Variants in CES5A observed in about 807,000 individuals in gnomAD.
CES5A encodes the protein carboxylesterase 5A.
A neutral mutation model predicts 62.9 loss-of-function variants in CES5A; 67 were observed. That is an observed-to-expected ratio of 1.07 (90% CI 0.88 to 1.31). The LOEUF (loss-of-function observed/expected upper bound fraction) is 1.31, where lower values mean the gene tolerates loss of function less well. Ranked by LOEUF, CES5A falls within the 50% of genes most tolerant of loss-of-function variation. The probability of loss-of-function intolerance (pLI) is 0.00; values close to 1 mark genes in which losing one functional copy is unlikely to be tolerated. For missense variants in CES5A, 748 were observed against 708.5 expected (o/e 1.06, Z -0.63); for synonymous variants, 296 against 280.8 (o/e 1.05, Z -0.54).
chr16:55,936,803 T>C (rs2034381281), intron 2 of CES5A, among the ~76,000 whole-genome samples: 1 of 152,216 alleles, frequency 6.6e-6, no homozygotes, highest in Admixed American at 6.5e-5. Flanking sequence ...TTTTTGAGTA[T>C]CTATTAAATA....
chr16:55,922,512 T>G (rs1040721104), intron 1 of CES5A, among the ~76,000 whole-genome samples: 1 of 151,998 alleles, frequency 6.6e-6, no homozygotes, highest in Non-Finnish European at 1.5e-5. Flanking sequence ...TAAATACTTA[T>G]GTATCCAGTA....
chr16:55,947,983 C>T (rs7194953), intron 2 of CES5A, among the ~76,000 whole-genome samples: 2 of 151,718 alleles, frequency 1.3e-5, no homozygotes, highest in Non-Finnish European at 2.9e-5. Context: ...AGATCCTTTT[C>T]ACTGCTGTGT....
upstream of CES5A, among the ~76,000 whole-genome samples, chr16:55,878,429 T>C (rs1423707138): frequency 1.3e-5 from 2 of 152,024 alleles, no homozygotes; most frequent in Admixed American, 6.5e-5. Context: ...GCCTTAGAGC[T>C]TCCATCTCAT....
At position 55,875,361 on chromosome 16, in the gene CES5A, G is replaced by A. The variant is rs2033677079; in HGVS notation, c.-140C>T. Reference sequence around the variant, plus strand: ...GAGGCAGCAGAGTTACTGAAGATCAGCATCAGAACAATATTCTCAAAGGAA... The same window carrying A: ...GAGGCAGCAGAGTTACTGAAGATCAACATCAGAACAATATTCTCAAAGGAA... On this transcript the variant is annotated 5_prime_UTR_variant, in exon 1 of 13. Transcript: ENST00000290567. 1.4e-6 allele frequency: 2 copies of A among 1,450,372 alleles called. No individual in the cohort carries two copies. The highest frequency in any genetic ancestry group is 9.0e-7 in the Non-Finnish European group (1 of 1,105,848). 89.8% of individuals were successfully genotyped at this position (1,450,372 alleles called of 1,614,324 possible). A position where few individuals can be genotyped will look rare whatever the true frequency, so the allele number is the denominator to read the frequency against.
intron 1 of CES5A, among the ~76,000 whole-genome samples, chr16:55,952,875 G>T (rs540361077): frequency 1.3e-5 from 2 of 152,208 alleles, no homozygotes; most frequent in African/African-American, 4.8e-5. Context: ...ACTATGCAGG[G>T]CATGGAAGAA....
At chr16:55,853,169 A>G (rs1305796944) in intron 9 of CES5A, 141 bp from the exon 10 acceptor site, 3 of 805,738 alleles carry the variant, frequency 3.7e-6, no homozygotes, top group Non-Finnish European at 3.9e-6. Flanking sequence ...TGATGCAAGT[A>G]TCAAAACTAG....
chr16:55,870,110 A>G (rs1375340165), intron 3 of CES5A, among the ~76,000 whole-genome samples: 1 of 152,250 alleles, frequency 6.6e-6, no homozygotes, highest in African/African-American at 2.4e-5. Context: ...GCACATTTCA[A>G]GTTTCAAGTG....
intron 7 of CES5A, among the ~76,000 whole-genome samples, chr16:55,860,310 T>C (rs776808309): frequency 1.3e-4 from 20 of 152,298 alleles, no homozygotes; most frequent in Middle Eastern, 3.4e-3. Context: ...ATTAGCAGCA[T>C]GAGAAGAGAC....
Position 55,899,114 on chromosome 16 carries a change from G to A in CES5A, c.-255-25077C>T, listed in dbSNP as rs574164842. 2.8e-4 allele frequency among the ~76,000 whole-genome samples: 42 copies of A among 152,220 alleles called. 1 individual carries two copies. In the South Asian group the frequency reaches 8.3e-3, roughly 30 times the overall value. On this transcript the variant is annotated intron_variant, in intron 1 of 12. Coordinates refer to the CES5A transcript ENST00000518005. ...TTACCACCAGCAAAGCATGCACCTGGCCTACCTATCTGGAGACCTTTCTGT... is the reference window on the plus strand; with the variant it reads ...TTACCACCAGCAAAGCATGCACCTGACCTACCTATCTGGAGACCTTTCTGT...
chr16:55,870,449 C>T (rs1470689626), intron 3 of CES5A, among the ~76,000 whole-genome samples: 1 of 152,114 alleles, frequency 6.6e-6, no homozygotes, highest in African/African-American at 2.4e-5. Flanking sequence ...CCTGTAATCC[C>T]AACACTTTTG....
chr16:55,915,041 C>T (rs529405416), intron 1 of CES5A, among the ~76,000 whole-genome samples: 340 of 151,754 alleles, frequency 2.2e-3, no homozygotes, highest in Non-Finnish European at 3.5e-3. Flanking sequence ...TGGCTCAAAG[C>T]CTGCATTGGG....
chr16:55,952,215 A>G (rs2034564851), intron 1 of CES5A, among the ~76,000 whole-genome samples: 1 of 152,194 alleles, frequency 6.6e-6, no homozygotes. Flanking sequence ...AAAAAGTATT[A>G]CTATTTAGAA....
chr16:55,944,175 T>G lies in CES5A; in HGVS notation c.160+5610A>C, dbSNP rs576866605. On this transcript the variant is annotated intron_variant, in intron 2 of 13. Transcript: ENST00000521992. Reference sequence around the variant, plus strand: ...GCTAAGAAATTGTATTGTGAAGACTTGGGTCCCAGTCCTGGTTCCATCAAT... The same window carrying G: ...GCTAAGAAATTGTATTGTGAAGACTGGGGTCCCAGTCCTGGTTCCATCAAT... 1,759 of 698,370 alleles carry G rather than the reference T, an allele frequency of 2.5e-3. 7 individuals carry two copies. The highest frequency in any genetic ancestry group is 4.1e-3 in the South Asian group (275 of 66,752). 43.3% of individuals were successfully genotyped at this position (698,370 alleles called of 1,614,324 possible). A position where few individuals can be genotyped will look rare whatever the true frequency, so the allele number is the denominator to read the frequency against.
At chr16:55,875,458 T>C, upstream of CES5A, 2 of 1,040,628 alleles carry the variant, frequency 1.9e-6, no homozygotes, top group Non-Finnish European at 2.6e-6. Context: ...TGGGGAAAGA[T>C]AATTTGATAG....
At chr16:55,930,751 A>G (rs2034302228) in intron 2 of CES5A, among the ~76,000 whole-genome samples, 1 of 152,164 alleles carries the variant, frequency 6.6e-6, no homozygotes, top group Admixed American at 6.5e-5. Flanking sequence ...TCAGTTTTCC[A>G]GTGCTAAACT....
intron 9 of CES5A, among the ~76,000 whole-genome samples, chr16:55,854,564 G>C (rs1341317577): frequency 1.1e-4 from 1 of 8,864 alleles, no homozygotes; most frequent in Non-Finnish European, 2.2e-4. Context: ...TTTTGAGACA[G>C]AGTCTCTCGC....
At position 55,937,863 on chromosome 16, in the gene CES5A, A is replaced by G. The variant is rs190109223; in HGVS notation, c.160+11922T>C. On this transcript the variant is annotated intron_variant, in intron 2 of 13. Coordinates refer to the CES5A transcript ENST00000521992. ...ACAAGCTTACTGTCTTGTGGTTGTA[A>G]GATTCCATGCTCTTGACAACCATGC... 1.9e-3 allele frequency among the ~76,000 whole-genome samples: 285 copies of G among 152,316 alleles called. 3 individuals are homozygous for G. The highest frequency in any genetic ancestry group is 0.018 in the Admixed American group (269 of 15,298).
At chr16:55,925,833 A>G (rs560800004), upstream of CES5A, among the ~76,000 whole-genome samples, 1 of 152,130 alleles carries the variant, frequency 6.6e-6, no homozygotes, top group Non-Finnish European at 1.5e-5. Context: ...AGAAATAATC[A>G]ACAGAGTAAA....
At chr16:55,955,174 GC>G (rs1243269575) in intron 1 of CES5A, among the ~76,000 whole-genome samples, 20 of 152,056 alleles carry the variant, frequency 1.3e-4, no homozygotes, top group Admixed American at 1.2e-3. Context: ...CATGAGAACC[GC>G]AAGAGGCTAC....
Sources: gnomAD v4.1 joint callset for allele counts (sites outside exome capture counted in the v4.1 genomes callset) on GRCh38, gnomAD v4.1.1 for gene constraint, MANE v1.5 for transcripts, NCBI Gene and HGNC (gene_info 2026-07-23, HGNC 2026-07-21) for gene names.